The following KIF13A variants were observed in gnomAD, a reference collection of about 807,000 sequenced individuals.
KIF13A encodes the protein kinesin-like protein KIF13A.
In KIF13A, 79 loss-of-function variants were observed where a neutral mutation model predicts 212.2. That is an observed-to-expected ratio of 0.37 (90% confidence interval 0.31 to 0.45). The LOEUF (loss-of-function observed/expected upper bound fraction) is 0.45, where lower values mean the gene tolerates loss of function less well. Ranked by LOEUF, KIF13A falls within the 20% of genes least tolerant of loss-of-function variation. KIF13A has a pLI of 1.00. For missense variants in KIF13A, 1,901 were observed against 2,209.0 expected (o/e 0.86, Z 2.79); for synonymous variants, 789 against 808.6 (o/e 0.98, Z 0.41).
rs1242299858 is a variant in KIF13A at position 17,886,310 on chromosome 6, A to C, written c.159+11858T>G. ...CCAGGTACATAGAGCCACAGAGAGG[A>C]GAATGCTAGGCTGACTCCATGGCCC... On this transcript the variant is annotated intron_variant, in intron 3 of 38. Coordinates refer to ENST00000259711, the MANE Select transcript of KIF13A (RefSeq NM_022113.6). This position sits in a 1 kb window ranked among gnomAD's most constrained non-coding sequence, Gnocchi z 5.6. Among the ~76,000 whole-genome samples the C allele has an allele frequency of 6.6e-6, 1 of 152,130 alleles. No homozygotes were observed. Among genetic ancestry groups the C allele is most frequent in the Non-Finnish European group, 1.5e-5 (1 of 68,028 alleles).
Position 17,777,370 on chromosome 6 carries a change from T to C in KIF13A, c.4093-16A>G, listed in dbSNP as rs1760086042. On this transcript the variant is annotated splice_polypyrimidine_tract_variant and intron_variant, in intron 33 of 38. Transcript: ENST00000259711. This position sits in a 1 kb window ranked among gnomAD's most constrained non-coding sequence, Gnocchi z 4.4. ...CTGTGACGGCCTGTAAACATAATAA[T>C]TTGAAAATAACACTTTTTTTTTTTT... 1 of 1,590,630 alleles carries C rather than the reference T, an allele frequency of 6.3e-7. No individual in the cohort carries two copies. The highest frequency in any genetic ancestry group is 8.6e-7 in the Non-Finnish European group (1 of 1,169,278).
intron 2 of KIF13A, among the ~76,000 whole-genome samples, chr6:17,953,235 T>G (rs1778034410): frequency 6.6e-6 from 1 of 152,146 alleles, no homozygotes; most frequent in African/African-American, 2.4e-5. Context: ...TAGAGAACAG[T>G]TCATATAGAT....
chr6:17,841,893 C>G (rs1360717837), intron 9 of KIF13A, among the ~76,000 whole-genome samples: 1 of 151,834 alleles, frequency 6.6e-6, no homozygotes, highest in African/African-American at 2.4e-5. Flanking sequence ...TTAGAAAGTT[C>G]AACGTCTGAA....
At chr6:17,936,044 G>T (rs1776430808) in intron 2 of KIF13A, among the ~76,000 whole-genome samples, 1 of 152,172 alleles carries the variant, frequency 6.6e-6, no homozygotes, top group Admixed American at 6.5e-5. Flanking sequence ...ACATATGAAT[G>T]ATTAAAAGTA....
At chr6:17,972,177 G>A (rs1264788832) in intron 2 of KIF13A, among the ~76,000 whole-genome samples, 5 of 152,144 alleles carry the variant, frequency 3.3e-5, no homozygotes, top group Admixed American at 6.5e-5. Flanking sequence ...ATTTAACACC[G>A]TTATCTTGAT....
intron 38 of KIF13A, among the ~76,000 whole-genome samples, chr6:17,767,728 A>G (rs1185366049): frequency 3.3e-5 from 5 of 152,260 alleles, no homozygotes; most frequent in Non-Finnish European, 7.3e-5. Flanking sequence ...AAAAATGAGA[A>G]TTAGTAATTT....
intron 2 of KIF13A, among the ~76,000 whole-genome samples, chr6:17,985,539 C>T (rs897386679): frequency 3.5e-4 from 53 of 149,378 alleles, no homozygotes; most frequent in Non-Finnish European, 4.6e-4. Flanking sequence ...AACGGCTACA[C>T]AACAGGAGCT....
chr6:17,759,348 A>G (rs1309796420), downstream of KIF13A: 2 of 152,182 alleles, frequency 1.3e-5, no homozygotes, highest in African/African-American at 2.4e-5. Context: ...GGGGATATAA[A>G]TTACAGTTTT....
chr6:17,975,507 A>T (rs1229346395), intron 2 of KIF13A, among the ~76,000 whole-genome samples: 1 of 152,206 alleles, frequency 6.6e-6, no homozygotes, highest in East Asian at 1.9e-4. Context: ...ATGTAGGCCC[A>T]AAAAGGGAGC....
chr6:17,950,549 C>A (rs889285358), intron 2 of KIF13A: 3 of 985,072 alleles, frequency 3.0e-6, no homozygotes, highest in Non-Finnish European at 1.2e-6. Flanking sequence ...TTCTTATACC[C>A]CATTTGTTGG....
chr6:17,925,039 TC>T (rs753460485), intron 2 of KIF13A, among the ~76,000 whole-genome samples: 3 of 152,122 alleles, frequency 2.0e-5, no homozygotes, highest in Non-Finnish European at 4.4e-5. Context: ...CAAATTAAAT[TC>T]CCTTCTTCCT....
At chr6:17,869,576 A>G (rs1236684816) in intron 4 of KIF13A, among the ~76,000 whole-genome samples, 1 of 152,178 alleles carries the variant, frequency 6.6e-6, no homozygotes, top group African/African-American at 2.4e-5. Flanking sequence ...GATTTGAACC[A>G]AGTCTGACTT....
chr6:17,860,951 C>A (rs1223579958), intron 4 of KIF13A, among the ~76,000 whole-genome samples: 1 of 151,954 alleles, frequency 6.6e-6, no homozygotes, highest in Non-Finnish European at 1.5e-5. Context: ...TTTACTAATA[C>A]CCACCGTATC....
chr6:17,961,622 T>C lies in KIF13A; in HGVS notation c.146+25432A>G, dbSNP rs1778821436. On this transcript the variant is annotated intron_variant, in intron 2 of 38. Transcript: ENST00000259711. The surrounding 1 kb of genome is among the most constrained non-coding windows in gnomAD (Gnocchi z 4.1). ...AACACTAAAAGGACAGAAAGATCCTTCACCCAGGGCTTAGTAAATAGAATA... is the reference window on the plus strand; with the variant it reads ...AACACTAAAAGGACAGAAAGATCCTCCACCCAGGGCTTAGTAAATAGAATA... Among the ~76,000 whole-genome samples, 1 of 152,196 alleles carries C rather than the reference T, an allele frequency of 6.6e-6. No individual in the cohort carries two copies. Among genetic ancestry groups the C allele is most frequent in the Non-Finnish European group, 1.5e-5 (1 of 68,042 alleles).
At chr6:17,948,102 T>C (rs890825826) in intron 2 of KIF13A, among the ~76,000 whole-genome samples, 1 of 152,240 alleles carries the variant, frequency 6.6e-6, no homozygotes. Context: ...TTAATGCCTC[T>C]ATCCTACTTT....
intron 18 of KIF13A, among the ~76,000 whole-genome samples, chr6:17,807,501 G>C (rs1052353688): frequency 4.0e-5 from 6 of 151,852 alleles, no homozygotes; most frequent in Non-Finnish European, 7.4e-5. Context: ...TGGTCAGACC[G>C]GTTCTCTGCT....
chr6:17,975,039 A>C (rs1428692062), intron 2 of KIF13A, among the ~76,000 whole-genome samples: 1 of 152,252 alleles, frequency 6.6e-6, no homozygotes, highest in African/African-American at 2.4e-5. Flanking sequence ...TCACCTGGGA[A>C]CTTGTTAGAA....
chr6:17,929,077 A>C (rs529072471), intron 2 of KIF13A, among the ~76,000 whole-genome samples: 9 of 151,848 alleles, frequency 5.9e-5, no homozygotes, highest in African/African-American at 1.4e-4. Context: ...AAAAAAAAAA[A>C]AAAAAACAAA....
intron 9 of KIF13A, among the ~76,000 whole-genome samples, chr6:17,846,074 G>C (rs1339958369): frequency 9.1e-6 from 1 of 109,496 alleles, no homozygotes; most frequent in Non-Finnish European, 1.7e-5. Context: ...TTCTGAGACA[G>C]CCTCCTGAGT....
Sources: allele counts gnomAD v4.1 joint callset (sites outside exome capture counted in the v4.1 genomes callset), GRCh38; gene constraint gnomAD v4.1.1; non-coding constraint Gnocchi (gnomAD v3.1); transcripts MANE v1.5; gene names NCBI Gene and HGNC (gene_info 2026-07-23, HGNC 2026-07-21).